Variants in BTBD8 observed in about 807,000 individuals in gnomAD.
BTBD8 encodes BTB domain containing 8, also known as BTB/POZ domain-containing protein 8.
A neutral mutation model predicts 162.9 loss-of-function variants in BTBD8; 110 were observed. The ratio of observed to expected loss-of-function variants is 0.68; its 90% CI spans 0.58 to 0.79. BTBD8 has a LOEUF of 0.79. Ranked by LOEUF, BTBD8 falls within the 30% of genes least tolerant of loss-of-function variation. The pLI is 0.00. For synonymous variants in BTBD8, 667 were observed against 716.1 expected (o/e 0.93, Z 1.10); for missense variants, 1,905 against 2,085.4 (o/e 0.91, Z 1.68).
At chr1:92,170,399 AT>A (rs1194906372) in intron 12 of BTBD8, among the ~76,000 whole-genome samples, 1 of 152,084 alleles carries the variant, frequency 6.6e-6, no homozygotes, top group African/African-American at 2.4e-5. Flanking sequence ...CTGTTACTAC[AT>A]TTCGTATGTC....
intron 2 of BTBD8, among the ~76,000 whole-genome samples, chr1:92,100,064 C>T (rs1361347059): frequency 1.3e-5 from 2 of 152,160 alleles, no homozygotes; most frequent in Non-Finnish European, 2.9e-5. Flanking sequence ...TTTATCATGA[C>T]AGCGTGTTGG....
At chr1:92,129,626 A>G in intron 4 of BTBD8, 61 bp from the exon 5 acceptor site, 1 of 1,327,812 alleles carries the variant, frequency 7.5e-7, no homozygotes, top group Admixed American at 1.7e-5. Flanking sequence ...TTTTCATAAA[A>G]AATTACATTT....
At chr1:92,151,455 A>G (rs1442810050) in intron 9 of BTBD8, among the ~76,000 whole-genome samples, 1 of 152,162 alleles carries the variant, frequency 6.6e-6, no homozygotes, top group Non-Finnish European at 1.5e-5. Context: ...GTCAGTGAAT[A>G]GTTAACAAAT....
intron 2 of BTBD8, among the ~76,000 whole-genome samples, chr1:92,093,922 C>T (rs1227841802): frequency 6.6e-6 from 1 of 152,136 alleles, no homozygotes; most frequent in African/African-American, 2.4e-5. Context: ...AATTTTTATA[C>T]ATTAGAGAAA....
chr1:92,172,481 G>A (rs1650577079), intron 13 of BTBD8, among the ~76,000 whole-genome samples: 1 of 152,122 alleles, frequency 6.6e-6, no homozygotes, highest in African/African-American at 2.4e-5. Flanking sequence ...GTTATTTGGT[G>A]TTTTTCTTAT....
rs1403607672 is a variant in BTBD8, at chr1:92,182,242, T to C, written c.4559T>C (p.Ile1520Thr). The C allele has an allele frequency of 1.3e-6, 2 of 1,551,104 alleles. No individual in the cohort carries two copies. Among genetic ancestry groups the C allele is most frequent in the East Asian group, 2.4e-5 (1 of 40,904 alleles). Residue 1520 changes from isoleucine to threonine, a missense_variant, in exon 17 of 18, where the codon ATT (isoleucine) becomes ACT (threonine). By Grantham distance (89) the Ile-to-Thr change is moderately conservative. This residue lies in a region of BTBD8 where 517 missense variants were observed against 606.6 expected (regional missense o/e 0.85). Coordinates refer to ENST00000636805, the MANE Select transcript of BTBD8 (RefSeq NM_001376131.1). Reference protein sequence around the residue: ...NESTVLDLSSIDSSRKNKQSV... With the variant: ...NESTVLDLSSTDSSRKNKQSV... ...AGCACTGTCTTGGATCTTAGTAGCA[T>C]TGACTCTTCAAGAAAAAATAAACAG...
Position 92,102,527 on chromosome 1 carries a change from GA to G in BTBD8, c.407del (p.Lys136ArgfsTer2). ...AAAACTATGAAGAGGAAATTCTTAG[GA>G]AAAAGATAATGGAGATTGGGATATC... ...IKNYEEEILR[K>X]KIMEIGISQK... On this transcript the variant is annotated frameshift_variant, in exon 3 of 18. Transcript: ENST00000636805. LOFTEE classifies it high-confidence loss of function. The G allele has an allele frequency of 1.3e-6, 2 of 1,568,714 alleles. No homozygotes were observed. The highest frequency in any genetic ancestry group is 1.7e-6 in the Non-Finnish European group (2 of 1,159,918).
At position 92,102,473 on chromosome 1, in the gene BTBD8, G is replaced by T. The variant is rs929642924; in HGVS notation, c.348G>T (p.Gln116His). 3.4e-6 allele frequency: 5 copies of T among 1,458,674 alleles called. No individual in the cohort carries two copies. In the African/African-American group the frequency reaches 4.3e-5, roughly 13 times the overall value. 90.4% of individuals were successfully genotyped at this position (1,458,674 alleles called of 1,614,324 possible). ...TAATATTTTATATTTTGTCTTTTAG[G>T]ATTATATATTCATCAAACAGAAACA... is the stretch of plus-strand genomic sequence containing the variant. ...VEALEFRTFL[Q>H]IIYSSNRNIK... The change falls in exon 3 of 18, where the codon CAG becomes CAT. Residue 116 changes from glutamine to histidine, a missense_variant and splice_region_variant. Transcript: ENST00000636805.
intron 2 of BTBD8, among the ~76,000 whole-genome samples, chr1:92,093,364 G>T (rs183156977): frequency 6.6e-6 from 1 of 151,764 alleles, no homozygotes; most frequent in African/African-American, 2.4e-5. Flanking sequence ...GGCTAATTTT[G>T]TATTTTTAGT....
intron 3 of BTBD8, among the ~76,000 whole-genome samples, chr1:92,104,659 C>T (rs1043940210): frequency 3.3e-5 from 5 of 152,194 alleles, no homozygotes; most frequent in African/African-American, 4.8e-5. Context: ...AAAATCCCCA[C>T]ATTCACCAGT....
intron 7 of BTBD8, among the ~76,000 whole-genome samples, chr1:92,146,774 T>G (rs1176171961): frequency 1.3e-5 from 2 of 152,204 alleles, no homozygotes; most frequent in Non-Finnish European, 2.9e-5. Flanking sequence ...CCATGTCTTT[T>G]CATGGCTTGA....
At chr1:92,107,834 G>T (rs767244571) in intron 3 of BTBD8, 50 bp from the exon 4 acceptor site, 6 of 1,444,974 alleles carry the variant, frequency 4.2e-6, no homozygotes, top group Admixed American at 4.5e-5. Flanking sequence ...ACAATTTTTG[G>T]ACGTTTGTAA....
chr1:92,097,452 T>C (rs1013990303), intron 2 of BTBD8, among the ~76,000 whole-genome samples: 1 of 152,178 alleles, frequency 6.6e-6, no homozygotes, highest in Non-Finnish European at 1.5e-5. Context: ...GGTTTTAATA[T>C]ATTCACAATG....
At chr1:92,081,993 G>A (rs1648031218) in intron 1 of BTBD8, among the ~76,000 whole-genome samples, 2 of 152,138 alleles carry the variant, frequency 1.3e-5, no homozygotes, top group Admixed American at 1.3e-4. Context: ...ACTATCTACT[G>A]GGGAAGCTAC....
intron 11 of BTBD8, among the ~76,000 whole-genome samples, chr1:92,168,296 C>T (rs1570754528): frequency 6.6e-6 from 1 of 151,972 alleles, no homozygotes; most frequent in African/African-American, 2.4e-5. Flanking sequence ...CCTGGTCCTA[C>T]AGTAAATTTT....
rs1650842730 is a variant in BTBD8, at chr1:92,180,285, A to G, written c.2602A>G (p.Asn868Asp). ...KTQGSQGESP[N>D]SVKSSVSSRQ... ...CTTAGGATCCCAAGGAGAGTCACCA[A>G]ACTCAGTAAAATCTTCAGTCTCTTC... The change falls in exon 17 of 18, where the codon AAC (asparagine) becomes GAC (aspartate). Residue 868 changes from asparagine to aspartate, a missense_variant. This residue lies in a region of BTBD8 where 1,374 missense variants were observed against 1,442.7 expected (regional missense o/e 0.95). Transcript: ENST00000636805. The G allele has an allele frequency of 1.3e-6, 2 of 1,545,596 alleles. No homozygotes were observed. Among genetic ancestry groups the G allele is most frequent in the African/African-American group, 2.8e-5 (2 of 72,564 alleles).
intron 7 of BTBD8, among the ~76,000 whole-genome samples, chr1:92,146,106 A>G (rs1649912529): frequency 6.6e-6 from 1 of 152,206 alleles, no homozygotes; most frequent in African/African-American, 2.4e-5. Flanking sequence ...AGATTAGACC[A>G]TGTTGTATTG....
At chr1:92,080,833 C>T (rs1647989827) in intron 1 of BTBD8, 113 bp downstream of exon 1, 53 of 1,475,016 alleles carry the variant, frequency 3.6e-5, no homozygotes, top group Non-Finnish European at 4.7e-5. Context: ...TGGTTCTCCT[C>T]GCCTCAGGCG....
intron 2 of BTBD8, among the ~76,000 whole-genome samples, chr1:92,100,219 G>T (rs760429150): frequency 3.9e-5 from 6 of 152,070 alleles, no homozygotes. Context: ...TTTATATGCT[G>T]CTGGATTCAG....
Sources: gnomAD v4.1 joint callset for allele counts (sites outside exome capture counted in the v4.1 genomes callset) on GRCh38, gnomAD v4.1.1 for gene constraint, gnomAD v4.1.1 regional missense constraint, MANE v1.5 for transcripts, NCBI Gene and HGNC (gene_info 2026-07-23, HGNC 2026-07-21) for gene names.